Variants in RUNX1 observed in about 807,000 individuals in gnomAD.
RUNX1 encodes RUNX family transcription factor 1.
RUNX1 carries 19 observed loss-of-function variants against 42.8 expected under a neutral mutation model. That is an observed-to-expected ratio of 0.44 (90% confidence interval 0.31 to 0.65). The LOEUF (loss-of-function observed/expected upper bound fraction) is 0.65. RUNX1 is among the 30% of genes least tolerant of loss of function. The pLI is 0.07. For missense variants in RUNX1, 528 were observed against 672.0 expected, an observed-to-expected ratio of 0.79 and a Z score of 2.37; for synonymous variants, 271 against 289.4, an observed-to-expected ratio of 0.94 and a Z score of 0.64.
chr21:34,985,508 C>T (rs2834715), intron 2 of RUNX1, among the ~76,000 whole-genome samples: 4,930 of 152,222 alleles, frequency 0.032, 272 homozygotes, highest in African/African-American at 0.11. Flanking sequence ...GGAGATGACA[C>T]GATTTTTTCT....
chr21:34,801,083 C>A (rs895675035), intron 7 of RUNX1, among the ~76,000 whole-genome samples: 1 of 151,786 alleles, frequency 6.6e-6, no homozygotes, highest in Non-Finnish European at 1.5e-5. Context: ...TATCCCCATG[C>A]TACTGCAAGT....
chr21:35,049,068 T>TA (rs2059420899), intron 1 of RUNX1, 100 bp downstream of exon 1: 4 of 647,136 alleles, frequency 6.2e-6, no homozygotes, highest in Non-Finnish European at 1.1e-5. Context: ...CCAAGCCCTA[T>TA]TAAAAAATGC....
At chr21:34,840,300 T>C (rs1331268917) in intron 6 of RUNX1, among the ~76,000 whole-genome samples, 2 of 152,112 alleles carry the variant, frequency 1.3e-5, no homozygotes, top group South Asian at 4.1e-4. Flanking sequence ...ACAATCCTCC[T>C]CCCCTCTAGA....
At chr21:34,985,193 T>C (rs755605124) in intron 2 of RUNX1, among the ~76,000 whole-genome samples, 1 of 152,190 alleles carries the variant, frequency 6.6e-6, no homozygotes, top group Non-Finnish European at 1.5e-5. Context: ...AATTTAATAT[T>C]GATATTAGAT....
In RUNX1 at chr21:34,849,384, GTATATATAATATATTATAC is replaced by G. The variant is rs1455541902; in HGVS notation, c.613+10071_613+10089del. 1.3e-4 allele frequency among the ~76,000 whole-genome samples: 4 copies of G among 29,696 alleles called. 1 individual carries two copies. The highest frequency in any genetic ancestry group is 2.5e-4 in the Non-Finnish European group (4 of 16,000). The allele number at this position is 29,696 out of a possible 152,430, so 19.5% of individuals were successfully genotyped here. A position where few individuals can be genotyped will look rare whatever the true frequency, so the allele number is the denominator to read the frequency against. ...ATATATTATATATACTATATACATA[GTATATATAATATATTATAC>G]TATATATAATATATTATATAGTATA... On this transcript the variant is annotated intron_variant, in intron 6 of 8. Transcript: ENST00000675419.
In RUNX1 at chr21:34,990,183, C is replaced by T. The variant is rs192356157; in HGVS notation, c.58+58659G>A. The stretch of plus-strand genomic sequence containing the variant: ...TCAGTTTCATTCAGAGACCCCTGAC[C>T]ACCAGTAATCATCAGATATTTCATG... On this transcript the variant is annotated intron_variant, in intron 2 of 8. Transcript: ENST00000675419. Among the ~76,000 whole-genome samples, 83 of 152,256 alleles carry T rather than the reference C, an allele frequency of 5.5e-4. 1 individual carries two copies. Among genetic ancestry groups the T allele is most frequent in the African/African-American group, 2.0e-3 (81 of 41,534 alleles).
At chr21:34,943,730 A>C (rs1303387965) in intron 2 of RUNX1, among the ~76,000 whole-genome samples, 1 of 152,160 alleles carries the variant, frequency 6.6e-6, no homozygotes, top group African/African-American at 2.4e-5. Context: ...CTCAAGTAAA[A>C]ATTACCTGAT....
At chr21:34,977,494 C>G (rs2058811713) in intron 2 of RUNX1, among the ~76,000 whole-genome samples, 2 of 151,802 alleles carry the variant, frequency 1.3e-5, no homozygotes, top group African/African-American at 4.9e-5. Context: ...CTCCAAGACT[C>G]CTATCAGCCA....
intron 2 of RUNX1, among the ~76,000 whole-genome samples, chr21:34,894,618 G>A (rs1478855476): frequency 1.3e-5 from 2 of 152,094 alleles, no homozygotes; most frequent in Admixed American, 6.5e-5. Flanking sequence ...GAGGTTGCGT[G>A]TGTTTAAGAC....
intron 2 of RUNX1, among the ~76,000 whole-genome samples, chr21:34,965,607 T>C (rs1320319803): frequency 1.3e-5 from 2 of 152,190 alleles, no homozygotes; most frequent in African/African-American, 4.8e-5. Context: ...AGGATATTTG[T>C]ATAAAGAACT....
chr21:34,977,262 AT>A (rs1466572161), intron 2 of RUNX1, among the ~76,000 whole-genome samples: 1 of 152,220 alleles, frequency 6.6e-6, no homozygotes, highest in African/African-American at 2.4e-5. Context: ...CCAAAGATCG[AT>A]GGCTCATCCT....
At position 34,886,935 on chromosome 21, in the gene RUNX1, CCG is replaced by C. The variant is rs758333969; in HGVS notation, c.257_258del (p.Pro86ArgfsTer51). The C allele has an allele frequency of 1.4e-5, 22 of 1,613,142 alleles. No individual in the cohort carries two copies. The highest frequency in any genetic ancestry group is 1.9e-5 in the Non-Finnish European group (22 of 1,179,726). On this transcript the variant is annotated frameshift_variant, in exon 4 of 9. Transcript: ENST00000675419. LOFTEE classifies it high-confidence loss of function. ...RSMVEVLADH[P>X]GELVRTDSPN... ...GGGCTGTCGGTGCGCACCAGCTCGC[CCG>C]GGTGGTCGGCCAGCACCTCCACCAT...
At position 34,792,284 on chromosome 21, in the gene RUNX1, A is replaced by G. The variant is rs1060499613; in HGVS notation, c.1294T>C (p.Cys432Arg). The G allele has an allele frequency of 6.5e-7, 1 of 1,532,836 alleles. No homozygotes were observed. 95.0% of individuals were successfully genotyped at this position (1,532,836 alleles called of 1,614,324 possible). A position where few individuals can be genotyped will look rare whatever the true frequency, so the allele number is the denominator to read the frequency against. ...ERSPPRILPP[C>R]TNASTGSALL... ...GCGGAGCCGGTGGAGGCGTTGGTGC[A>G]GGGCGGCAGGATGCGCGGCGGCGAG... The change falls in exon 9 of 9, where the codon TGC becomes CGC. Residue 432 changes from cysteine (C) to arginine (R), a missense_variant. Coordinates refer to ENST00000675419, the MANE Select transcript of RUNX1 (RefSeq NM_001754.5). The surrounding 1 kb of genome is among the most constrained non-coding windows in gnomAD (Gnocchi z 6.9).
At chr21:35,017,039 G>A (rs1050096446) in intron 2 of RUNX1, among the ~76,000 whole-genome samples, 2 of 151,898 alleles carry the variant, frequency 1.3e-5, no homozygotes, top group South Asian at 4.2e-4. Flanking sequence ...AATGGGAGGG[G>A]GTGGGAAGGA....
At chr21:34,865,062 A>G (rs2057637206) in intron 5 of RUNX1, among the ~76,000 whole-genome samples, 1 of 152,158 alleles carries the variant, frequency 6.6e-6, no homozygotes, top group Admixed American at 6.5e-5. Context: ...AAGGGGGTTA[A>G]TAACAGTCAT....
At chr21:34,876,219 G>T (rs976139371) in intron 5 of RUNX1, among the ~76,000 whole-genome samples, 39 of 152,182 alleles carry the variant, frequency 2.6e-4, no homozygotes, top group African/African-American at 8.9e-4. Context: ...TACCCGTGAT[G>T]ATATGTGGGC....
At chr21:34,818,431 G>A (rs963544525) in intron 7 of RUNX1, among the ~76,000 whole-genome samples, 2 of 152,100 alleles carry the variant, frequency 1.3e-5, no homozygotes, top group Non-Finnish European at 2.9e-5. Flanking sequence ...AGCATTTCCC[G>A]TCTCCCCTTG....
intron 6 of RUNX1, chr21:34,856,381 T>C (rs773726896): frequency 7.7e-6 from 4 of 518,906 alleles, no homozygotes; most frequent in African/African-American, 1.9e-5. Flanking sequence ...GAGCCAAATA[T>C]GCCAGCCAAT....
chr21:34,999,778 ACG>A (rs2059026579), intron 2 of RUNX1, among the ~76,000 whole-genome samples: 2 of 152,170 alleles, frequency 1.3e-5, no homozygotes, highest in South Asian at 4.1e-4. Context: ...TAGGCACAAG[ACG>A]GTGTAAATCC....
Sources: allele counts gnomAD v4.1 joint callset (sites outside exome capture counted in the v4.1 genomes callset), GRCh38; gene constraint gnomAD v4.1.1; non-coding constraint Gnocchi (gnomAD v3.1); transcripts MANE v1.5; gene names NCBI Gene and HGNC (gene_info 2026-07-23, HGNC 2026-07-21).